ELL2: variants seen among roughly 807,000 people sequenced by gnomAD.
ELL2 encodes the protein elongation factor for RNA polymerase II 2.
Under a neutral mutation model 72.8 loss-of-function variants are expected in ELL2, and 21 were observed. The observed-to-expected ratio is 0.29, with a 90% confidence interval of 0.20 to 0.42. The LOEUF (loss-of-function observed/expected upper bound fraction) is 0.42. Ranked by LOEUF, ELL2 falls within the 10% of genes least tolerant of loss-of-function variation. The pLI is 1.00. For missense variants in ELL2, 568 were observed against 772.8 expected, an observed-to-expected ratio of 0.73 and a Z score of 3.14; for synonymous variants, 266 against 283.2, an observed-to-expected ratio of 0.94 and a Z score of 0.61.
chr5:95,939,842 C>T (rs1750906629), intron 2 of ELL2, among the ~76,000 whole-genome samples: 2 of 152,140 alleles, frequency 1.3e-5, no homozygotes, highest in African/African-American at 4.8e-5. Context: ...TACCATTATA[C>T]CCCTCTGAAT....
At chr5:95,954,308 A>G (rs1295893487) in intron 1 of ELL2, among the ~76,000 whole-genome samples, 1 of 151,952 alleles carries the variant, frequency 6.6e-6, no homozygotes, top group Non-Finnish European at 1.5e-5. Context: ...AACTGCTTCC[A>G]ATTTCCCTTT....
At position 95,931,823 on chromosome 5, in the gene ELL2, A is replaced by G. The variant is rs1056185098; in HGVS notation, c.195+11179T>C. ...AAAAAAAAAAAAAAAAAAAAAAAAT[A>G]CTGCTTTCAGATTCCCAGAGTCCCA... On this transcript the variant is annotated intron_variant, in intron 2 of 11. Transcript: ENST00000237853. Among the ~76,000 whole-genome samples, 6 of 140,630 alleles carry G rather than the reference A, an allele frequency of 4.3e-5. 1 individual carries two copies. Among genetic ancestry groups the G allele is most frequent in the African/African-American group, 1.5e-4 (6 of 39,162 alleles). 92.3% of individuals were successfully genotyped at this position (140,630 alleles called of 152,430 possible).
chr5:95,944,421 T>C (rs573083560), intron 1 of ELL2, among the ~76,000 whole-genome samples: 3 of 152,346 alleles, frequency 2.0e-5, no homozygotes, highest in South Asian at 2.1e-4. Context: ...AATTCATTTA[T>C]TGGTGTGGGA....
At chr5:95,915,033 G>A (rs1437821288) in intron 3 of ELL2, among the ~76,000 whole-genome samples, 1 of 152,174 alleles carries the variant, frequency 6.6e-6, no homozygotes, top group African/African-American at 2.4e-5. Flanking sequence ...TAATGAAAGT[G>A]ACACTACAGC....
chr5:95,898,790 C>A lies in ELL2; in HGVS notation c.975G>T (p.Glu325Asp). 1 of 1,504,480 alleles carries A rather than the reference C, an allele frequency of 6.6e-7. No individual in the cohort carries two copies. Among genetic ancestry groups the A allele is most frequent in the Non-Finnish European group, 8.9e-7 (1 of 1,127,492 alleles). The allele number at this position is 1,504,480 out of a possible 1,614,324, so 93.2% of individuals were successfully genotyped here. ...TTTTATTCATTAAAGGATCAATAAA[C>A]TCTGAATCCAAAAGCCGTTTCTAGG... ...SSPQKRLLDS[E>D]FIDPLMNKKA... is the part of the protein sequence containing the mutation. The change falls in exon 8 of 12, where the codon GAG becomes GAT. Residue 325 changes from glutamate (E) to aspartate (D), a missense_variant. By Grantham distance (45) the Glu-to-Asp change is conservative. Transcript: ENST00000237853.
At chr5:95,908,720 C>T (rs561769586) in intron 4 of ELL2, among the ~76,000 whole-genome samples, 2 of 152,230 alleles carry the variant, frequency 1.3e-5, no homozygotes, top group African/African-American at 4.8e-5. Context: ...CATTAGCATT[C>T]CTTAAAATTT....
Position 95,913,815 on chromosome 5 carries a change from C to T in ELL2, c.437G>A (p.Arg146His), listed in dbSNP as rs886937396. The T allele has an allele frequency of 5.0e-6, 8 of 1,612,368 alleles. No homozygotes were observed. Among genetic ancestry groups the T allele is most frequent in the Non-Finnish European group, 6.8e-6 (8 of 1,179,308 alleles). The stretch of plus-strand genomic sequence containing the variant: ...TTTGATAACTTTTGTGCTTCGGTTG[C>T]GGGATTCCTCCTCTGCCTGGGTCAT... ...ERMTQAEEES[R>H]NRSTKVIKPG... The change falls in exon 4 of 12, where the codon CGC (arginine) becomes CAC (histidine). Residue 146 changes from arginine to histidine, a missense_variant. Physicochemically the swap from Arg to His is conservative, Grantham distance 29. Transcript: ENST00000237853.
At chr5:95,948,429 C>CAAAA (rs1187881368) in intron 1 of ELL2, among the ~76,000 whole-genome samples, 37 of 35,162 alleles carry the variant, frequency 1.1e-3, no homozygotes, top group East Asian at 6.0e-3. Context: ...GACTCCGCCT[C>CAAAA]AAAAAAAAAA....
In ELL2 at chr5:95,887,812, A is replaced by G. The variant is rs1160619644; in HGVS notation, c.*1059T>C. 1 of 152,622 alleles carries G rather than the reference A, an allele frequency of 6.6e-6. No homozygotes were observed. The highest frequency in any genetic ancestry group is 2.1e-4 in the South Asian group (1 of 4,830). 9.5% of individuals were successfully genotyped at this position (152,622 alleles called of 1,614,324 possible). On this transcript the variant is annotated 3_prime_UTR_variant, in exon 12 of 12. Transcript: ENST00000237853. Reference sequence around the variant, plus strand: ...TTCAAAAAATACTTTATAGCAGTATATAAATAGGTTACCTACACATTTCAT... The same window carrying G: ...TTCAAAAAATACTTTATAGCAGTATGTAAATAGGTTACCTACACATTTCAT...
chr5:95,889,823 A>C (rs1476419164), intron 10 of ELL2, among the ~76,000 whole-genome samples: 2 of 150,916 alleles, frequency 1.3e-5, no homozygotes, highest in Non-Finnish European at 2.9e-5. Flanking sequence ...CATATCACAC[A>C]CATAAACACA....
At chr5:95,941,864 C>T (rs1412519766) in intron 2 of ELL2, among the ~76,000 whole-genome samples, 1 of 152,190 alleles carries the variant, frequency 6.6e-6, no homozygotes, top group Non-Finnish European at 1.5e-5. Context: ...AGAAAATCAG[C>T]ATGTGCTAAT....
At chr5:95,939,781 A>C (rs1369339779) in intron 2 of ELL2, among the ~76,000 whole-genome samples, 1 of 152,246 alleles carries the variant, frequency 6.6e-6, no homozygotes, top group Non-Finnish European at 1.5e-5. Context: ...CTTGATTTTT[A>C]TAAAGCTTAC....
At chr5:95,912,186 A>C (rs1749628727) in intron 4 of ELL2, among the ~76,000 whole-genome samples, 2 of 152,224 alleles carry the variant, frequency 1.3e-5, no homozygotes, top group Admixed American at 1.3e-4. Flanking sequence ...AACAAACTGT[A>C]CTTGACTCTT....
intron 2 of ELL2, among the ~76,000 whole-genome samples, chr5:95,937,503 C>CA (rs11436515): frequency 0.29 from 38,677 of 134,814 alleles, 5,489 homozygotes; most frequent in African/African-American, 0.41. Context: ...GACTCCGTCT[C>CA]AAAAAAAAAA....
chr5:95,954,673 C>T (rs573331536), intron 1 of ELL2, among the ~76,000 whole-genome samples: 3 of 149,312 alleles, frequency 2.0e-5, no homozygotes, highest in Admixed American at 1.3e-4. Context: ...ATTTCCTGAC[C>T]TCGTGATGCG....
At chr5:95,922,485 A>G (rs1750125596) in intron 2 of ELL2, among the ~76,000 whole-genome samples, 1 of 152,194 alleles carries the variant, frequency 6.6e-6, no homozygotes, top group Non-Finnish European at 1.5e-5. Context: ...TTTTAACTTC[A>G]TGGCTGGAGT....
In ELL2 at chr5:95,889,081, C is replaced by A; in HGVS notation, c.1806+5G>T. The A allele has an allele frequency of 6.2e-7, 1 of 1,609,774 alleles. No homozygotes were observed. Among genetic ancestry groups the A allele is most frequent in the Non-Finnish European group, 8.5e-7 (1 of 1,178,182 alleles). On this transcript the variant is annotated splice_donor_5th_base_variant and intron_variant, in intron 11 of 11. Coordinates refer to ENST00000237853, the MANE Select transcript of ELL2 (RefSeq NM_012081.6). ...GGTCAGAAAATCAACAGTGATGATACCTACCTGCTTTATCTTCTGATATTC... is the reference window on the plus strand; with the variant it reads ...GGTCAGAAAATCAACAGTGATGATAACTACCTGCTTTATCTTCTGATATTC...
At chr5:95,896,747 G>A (rs569144748) in intron 8 of ELL2, among the ~76,000 whole-genome samples, 7 of 152,242 alleles carry the variant, frequency 4.6e-5, no homozygotes, top group South Asian at 4.1e-4. Flanking sequence ...TGTAATTATC[G>A]CAACTGGTTC....
At chr5:95,913,172 T>A (rs1174965322) in intron 4 of ELL2, among the ~76,000 whole-genome samples, 1 of 152,008 alleles carries the variant, frequency 6.6e-6, no homozygotes, top group Non-Finnish European at 1.5e-5. Flanking sequence ...ATGATGGGGG[T>A]CGGATAGGGT....
Sources: allele counts gnomAD v4.1 joint callset (sites outside exome capture counted in the v4.1 genomes callset), GRCh38; gene constraint gnomAD v4.1.1; transcripts MANE v1.5; gene names NCBI Gene and HGNC (gene_info 2026-07-23, HGNC 2026-07-21).